Variants in NEK1 observed in about 807,000 individuals in gnomAD.
The protein encoded by NEK1 is serine/threonine-protein kinase Nek1.
Under a neutral mutation model 182.1 loss-of-function variants are expected in NEK1, and 137 were observed. That is an observed-to-expected ratio of 0.75 (90% CI 0.65 to 0.87). The LOEUF is 0.87. Ranked by LOEUF, NEK1 falls within the 40% of genes least tolerant of loss-of-function variation. NEK1 has a pLI of 0.00. For synonymous variants in NEK1, 513 were observed against 492.2 expected (o/e 1.04, Z -0.56); for missense variants, 1,391 against 1,494.4 (o/e 0.93, Z 1.14).
chr4:169,547,261 G>A (rs1169453968), intron 18 of NEK1, among the ~76,000 whole-genome samples: 1 of 152,100 alleles, frequency 6.6e-6, no homozygotes, highest in Admixed American at 6.6e-5. Flanking sequence ...TGAAATTCTG[G>A]GTTGAAAATT....
intron 19 of NEK1, among the ~76,000 whole-genome samples, chr4:169,528,804 T>C (rs60817655): frequency 3.9e-5 from 6 of 152,180 alleles, no homozygotes; most frequent in East Asian, 3.9e-4. Context: ...CACCCAACAA[T>C]AGCAGAAAAC....
chr4:169,549,483 C>T (rs555380545), intron 18 of NEK1, among the ~76,000 whole-genome samples: 21 of 152,192 alleles, frequency 1.4e-4, no homozygotes, highest in Admixed American at 3.3e-4. Context: ...AGTGCAATGG[C>T]GTGATCTCGG....
intron 12 of NEK1, among the ~76,000 whole-genome samples, chr4:169,569,389 A>G (rs567113138): frequency 6.6e-6 from 1 of 152,214 alleles, no homozygotes; most frequent in South Asian, 2.1e-4. Context: ...GGATATCGTC[A>G]GCAGCTGCTT....
At chr4:169,477,091 C>T in intron 26 of NEK1, 33 bp downstream of exon 26, 5 of 1,450,566 alleles carry the variant, frequency 3.4e-6, no homozygotes, top group Non-Finnish European at 4.7e-6. Flanking sequence ...TGTACTAGAC[C>T]TAAATAGGAT....
At chr4:169,573,133 T>A (rs1765138745) in intron 12 of NEK1, among the ~76,000 whole-genome samples, 1 of 152,222 alleles carries the variant, frequency 6.6e-6, no homozygotes, top group South Asian at 2.1e-4. Flanking sequence ...AATCACAGTA[T>A]GCAAATGATT....
chr4:169,492,851 C>A (rs187722890), intron 23 of NEK1, among the ~76,000 whole-genome samples: 1 of 152,122 alleles, frequency 6.6e-6, no homozygotes, highest in Non-Finnish European at 1.5e-5. Flanking sequence ...CCTGTCAAAG[C>A]CACCAATGGG....
At chr4:169,436,362 A>G (rs1006763662) in intron 28 of NEK1, among the ~76,000 whole-genome samples, 1 of 151,972 alleles carries the variant, frequency 6.6e-6, no homozygotes, top group Admixed American at 6.5e-5. Context: ...GAAGGGCTTC[A>G]ATGACATTGT....
chr4:169,529,161 GA>G (rs1757316003), intron 19 of NEK1, among the ~76,000 whole-genome samples: 1 of 152,082 alleles, frequency 6.6e-6, no homozygotes, highest in Non-Finnish European at 1.5e-5. Flanking sequence ...ACCACTATCA[GA>G]AAAGAAGAAA....
chr4:169,568,115 C>G (rs1002988470), intron 12 of NEK1, among the ~76,000 whole-genome samples: 5 of 152,156 alleles, frequency 3.3e-5, no homozygotes, highest in African/African-American at 1.2e-4. Context: ...TCTCTCCATT[C>G]AGTCAGGCTG....
chr4:169,567,814 C>T (rs959606383), intron 12 of NEK1, among the ~76,000 whole-genome samples: 1 of 152,120 alleles, frequency 6.6e-6, no homozygotes, highest in Non-Finnish European at 1.5e-5. Context: ...ACGACTCTGC[C>T]TGAAATTCAA....
chr4:169,426,643 C>G (rs1417645671), intron 29 of NEK1, among the ~76,000 whole-genome samples: 1 of 152,126 alleles, frequency 6.6e-6, no homozygotes, highest in Non-Finnish European at 1.5e-5. Flanking sequence ...TGTTTGAGAA[C>G]CACTACTTTA....
At chr4:169,570,569 C>G (rs1764625787) in intron 12 of NEK1, among the ~76,000 whole-genome samples, 3 of 150,372 alleles carry the variant, frequency 2.0e-5, no homozygotes, top group East Asian at 4.1e-4. Flanking sequence ...GGTCAGCCCC[C>G]CGCCCGGCCA....
intron 28 of NEK1, among the ~76,000 whole-genome samples, chr4:169,434,459 T>C (rs953643901): frequency 6.6e-6 from 1 of 152,120 alleles, no homozygotes; most frequent in Admixed American, 6.5e-5. Flanking sequence ...GTGATCCACC[T>C]GCCTCAGCCT....
intron 19 of NEK1, among the ~76,000 whole-genome samples, chr4:169,523,223 G>A (rs1756376381): frequency 6.6e-6 from 1 of 152,074 alleles, no homozygotes; most frequent in African/African-American, 2.4e-5. Context: ...CAGGATTGTT[G>A]GAAAGACTAA....
At chr4:169,584,421 G>A (rs879351185) in intron 10 of NEK1, among the ~76,000 whole-genome samples, 2 of 152,076 alleles carry the variant, frequency 1.3e-5, no homozygotes, top group African/African-American at 4.8e-5. Context: ...AGACCAGCCT[G>A]GGCAATATGG....
chr4:169,463,390 T>C lies in NEK1; in HGVS notation c.2440A>G (p.Thr814Ala), dbSNP rs939746889. 1.3e-6 allele frequency: 2 copies of C among 1,596,644 alleles called. No homozygotes were observed. The highest frequency in any genetic ancestry group is 8.5e-7 in the Non-Finnish European group (1 of 1,170,374). The change falls in exon 27 of 36, where the codon ACA becomes GCA. Residue 814 changes from threonine to alanine, a missense_variant. By Grantham distance (58) the Thr-to-Ala change is moderately conservative (BLOSUM62 0). Coordinates refer to ENST00000507142, the MANE Select transcript of NEK1 (RefSeq NM_001199397.3). ...DTSFSTTERH[T>A]VGEVIKLGPN... ...CCTAATTTAATAACTTCTCCCACTG[T>C]ATGTCCTATAAGAAAAATATACAAA...
At chr4:169,488,556 T>C (rs1271037171) in intron 23 of NEK1, among the ~76,000 whole-genome samples, 3 of 152,220 alleles carry the variant, frequency 2.0e-5, no homozygotes, top group Non-Finnish European at 4.4e-5. Flanking sequence ...ACCAGTACCA[T>C]GCTGGTTTGG....
In NEK1 at chr4:169,463,316, A is replaced by G. The variant is rs1744316959; in HGVS notation, c.2514T>C (p.Ser838=). Residue 838 remains serine, a synonymous_variant, in exon 27 of 36, where the codon TCT becomes TCC. Transcript: ENST00000507142. ...CAGCTTCTCCAAGTATCTTTAGAAC[A>G]GAATCTGTCGGACTTTTCCCCCAGG... The part of the protein sequence containing the change: ...RRAWGKSPTD[S]VLKILGEAEL... The G allele has an allele frequency of 2.5e-6, 4 of 1,609,848 alleles. No homozygotes were observed. The highest frequency in any genetic ancestry group is 1.7e-5 in the Admixed American group (1 of 59,748).
At chr4:169,436,313 T>C (rs1202842900) in intron 28 of NEK1, among the ~76,000 whole-genome samples, 3 of 152,214 alleles carry the variant, frequency 2.0e-5, no homozygotes, top group East Asian at 1.9e-4. Flanking sequence ...TAAAAGCCTA[T>C]GTGCACTGGC....
Sources: allele counts gnomAD v4.1 joint callset (sites outside exome capture counted in the v4.1 genomes callset), GRCh38; gene constraint gnomAD v4.1.1; transcripts MANE v1.5; gene names NCBI Gene and HGNC (gene_info 2026-07-23, HGNC 2026-07-21).